The following NTRK3 variants were observed in gnomAD, a reference collection of about 807,000 sequenced individuals.
NTRK3 encodes the protein neurotrophic receptor tyrosine kinase 3.
In NTRK3, 24 loss-of-function variants were observed where a neutral mutation model predicts 91.7. That is an observed-to-expected ratio of 0.26 (90% CI 0.19 to 0.37). NTRK3 has a LOEUF of 0.37. Among genes scored for constraint, NTRK3 ranks in the 10% least tolerant of loss-of-function variants. The pLI is 1.00. For missense variants in NTRK3, 880 were observed against 1,068.9 expected, an observed-to-expected ratio of 0.82 and a Z score of 2.46; for synonymous variants, 483 against 404.0, an observed-to-expected ratio of 1.20 and a Z score of -2.34.
At chr15:87,884,222 G>A (rs987897513) in intron 17 of NTRK3, among the ~76,000 whole-genome samples, 1 of 151,394 alleles carries the variant, frequency 6.6e-6, no homozygotes, top group African/African-American at 2.4e-5. Context: ...AATGTAAAAT[G>A]TTAAGACTAT....
At chr15:88,033,771 T>A (rs1376800783) in intron 13 of NTRK3, among the ~76,000 whole-genome samples, 1 of 152,206 alleles carries the variant, frequency 6.6e-6, no homozygotes, top group African/African-American at 2.4e-5. Context: ...GACCCTGGCA[T>A]AAACTATTTT....
At chr15:87,908,824 C>G (rs2066922664) in intron 17 of NTRK3, among the ~76,000 whole-genome samples, 1 of 152,012 alleles carries the variant, frequency 6.6e-6, no homozygotes, top group Non-Finnish European at 1.5e-5. Context: ...GGGGCTCCAC[C>G]AGCACATCAT....
At chr15:88,126,763 A>G (rs2053332040) in intron 12 of NTRK3, among the ~76,000 whole-genome samples, 1 of 152,174 alleles carries the variant, frequency 6.6e-6, no homozygotes, top group South Asian at 2.1e-4. Context: ...CTGGATTCTA[A>G]AAAGAATCCT....
chr15:87,940,659 G>A (rs2142018024), exon 15 of NTRK3: 3 of 1,614,120 alleles, frequency 1.9e-6, no homozygotes, highest in Non-Finnish European at 2.5e-6. Context: ...TGGTCGGGCT[G>A]AGGTTGTAGC....
At chr15:87,955,530 C>T (rs897358085) in intron 14 of NTRK3, among the ~76,000 whole-genome samples, 6 of 152,212 alleles carry the variant, frequency 3.9e-5, no homozygotes, top group East Asian at 3.9e-4. Context: ...TGCTGAGTGC[C>T]GTTCACATTG....
At position 88,122,889 on chromosome 15, in the gene NTRK3, T is replaced by C. The variant is rs570277353; in HGVS notation, c.1396+3382A>G. Among the ~76,000 whole-genome samples the C allele has an allele frequency of 5.3e-5, 8 of 152,332 alleles. No homozygotes were observed. In the East Asian group the frequency reaches 1.5e-3, roughly 29 times the overall value. On this transcript the variant is annotated intron_variant, in intron 13 of 18. Transcript: ENST00000394480. ...ATTCATTTCTAAATTCAACAAGCAA[T>C]TGTCAAATGTTGCGTGGTGTTTTCA... is the stretch of plus-strand genomic sequence containing the variant.
chr15:87,944,670 C>T (rs979900965), intron 14 of NTRK3, among the ~76,000 whole-genome samples: 1 of 152,240 alleles, frequency 6.6e-6, no homozygotes, highest in African/African-American at 2.4e-5. Flanking sequence ...CCTCCATCTT[C>T]CACTACTCAA....
At chr15:87,933,206 GGT>G in intron 15 of NTRK3, 22 bp from the exon 16 acceptor site, 1 of 1,613,770 alleles carries the variant, frequency 6.2e-7, no homozygotes, top group African/African-American at 1.3e-5. Flanking sequence ...GCAGGACACA[GGT>G]GTTTAACAAC....
intron 14 of NTRK3, among the ~76,000 whole-genome samples, chr15:88,030,722 G>A (rs776216522): frequency 2.4e-4 from 37 of 151,864 alleles, no homozygotes; most frequent in Non-Finnish European, 1.5e-4. Flanking sequence ...TTAGAGGCAC[G>A]TTTCCAGCTG....
exon 19 of NTRK3, chr15:87,874,100 A>G (rs1221280443): frequency 1.3e-5 from 3 of 229,174 alleles, no homozygotes; most frequent in African/African-American, 2.2e-5. Flanking sequence ...TCCTGTCCCA[A>G]TATAGGAGGG....
chr15:88,057,666 T>G (rs1395160305), intron 13 of NTRK3, among the ~76,000 whole-genome samples: 1 of 152,128 alleles, frequency 6.6e-6, no homozygotes, highest in Non-Finnish European at 1.5e-5. Flanking sequence ...ATCAGGGAAA[T>G]ATGATCAGTG....
chr15:88,254,756 CA>C (rs965681204), intron 3 of NTRK3, among the ~76,000 whole-genome samples: 1 of 152,168 alleles, frequency 6.6e-6, no homozygotes, highest in African/African-American at 2.4e-5. Context: ...GACCTCAGCA[CA>C]AACCCTTCTC....
intron 13 of NTRK3, among the ~76,000 whole-genome samples, chr15:88,102,021 TAAAATAAAATAAA>T (rs2050227397): frequency 1.3e-5 from 2 of 151,492 alleles, no homozygotes; most frequent in Non-Finnish European, 2.9e-5. Flanking sequence ...ATAATAATAA[TAAAATAAAATAAA>T]AAAATAAAAT....
intron 13 of NTRK3, among the ~76,000 whole-genome samples, chr15:88,057,484 C>T (rs902313521): frequency 3.3e-5 from 5 of 149,416 alleles, no homozygotes; most frequent in African/African-American, 4.9e-5. Flanking sequence ...GGAGACAGAG[C>T]GAGACTCCCT....
intron 13 of NTRK3, 89 bp from the exon 14 acceptor site, chr15:88,033,134 C>A: frequency 8.8e-7 from 1 of 1,139,044 alleles, no homozygotes; most frequent in South Asian, 1.4e-5. Flanking sequence ...AACTACTGTT[C>A]CCATCACAAA....
chr15:88,210,808 C>T (rs2049174039), intron 3 of NTRK3, among the ~76,000 whole-genome samples: 1 of 152,190 alleles, frequency 6.6e-6, no homozygotes, highest in Admixed American at 6.5e-5. Flanking sequence ...TCTGCGTCAA[C>T]TTCCATCAGA....
chr15:88,204,229 C>T (rs1366859828), intron 3 of NTRK3, among the ~76,000 whole-genome samples: 1 of 152,208 alleles, frequency 6.6e-6, no homozygotes, highest in Non-Finnish European at 1.5e-5. Context: ...AGCAGTTGCT[C>T]TTAATCCCAA....
chr15:88,126,295 G>T, exon 13 of NTRK3: 2 of 1,613,794 alleles, frequency 1.2e-6, no homozygotes, highest in South Asian at 2.2e-5. Flanking sequence ...TTGGACCGTC[G>T]ACCATATTTG....
At chr15:87,890,001 G>A (rs1270035683) in intron 17 of NTRK3, among the ~76,000 whole-genome samples, 5 of 146,738 alleles carry the variant, frequency 3.4e-5, no homozygotes, top group Non-Finnish European at 7.5e-5. Context: ...TGATGATCCC[G>A]GGTCACTTGT....
Sources: allele counts gnomAD v4.1 joint callset (sites outside exome capture counted in the v4.1 genomes callset), GRCh38; gene constraint gnomAD v4.1.1; transcripts MANE v1.5; gene names NCBI Gene and HGNC (gene_info 2026-07-23, HGNC 2026-07-21).